The following CDH13 variants were observed in gnomAD, a reference collection of about 807,000 sequenced individuals.
CDH13 encodes the protein cadherin 13, also known as cadherin-13.
In CDH13, 24 loss-of-function variants were observed where a neutral mutation model predicts 63.8. That is an observed-to-expected ratio of 0.38 (90% CI 0.27 to 0.53). CDH13 has a LOEUF of 0.53. CDH13 is among the 20% of genes least tolerant of loss of function. The pLI is 0.85. For synonymous variants in CDH13, 503 were observed against 355.3 expected (o/e 1.42, Z -4.67); for missense variants, 1,049 against 903.1 (o/e 1.16, Z -2.07).
chr16:83,461,369 A>C (rs182365538), intron 6 of CDH13, among the ~76,000 whole-genome samples: 57 of 152,282 alleles, frequency 3.7e-4, no homozygotes, highest in African/African-American at 1.3e-3. Flanking sequence ...GCTCATCCAG[A>C]GCAGGTGAGG....
chr16:83,372,485 G>A (rs1213213793), intron 6 of CDH13, among the ~76,000 whole-genome samples: 3 of 152,188 alleles, frequency 2.0e-5, no homozygotes, highest in Non-Finnish European at 4.4e-5. Flanking sequence ...CGGGTGCGGT[G>A]GCTCATGCCT....
intron 2 of CDH13, among the ~76,000 whole-genome samples, chr16:83,000,258 T>C (rs1912746733): frequency 7.9e-6 from 1 of 127,344 alleles, no homozygotes; most frequent in African/African-American, 3.2e-5. Context: ...TTTTTTTTTT[T>C]TTTTTTGAGA....
intron 6 of CDH13, among the ~76,000 whole-genome samples, chr16:83,442,542 T>A (rs556895318): frequency 1.4e-4 from 14 of 101,902 alleles, no homozygotes; most frequent in Non-Finnish European, 2.1e-4. Context: ...TGGAAAACTT[T>A]CACATTGCAA....
At chr16:82,877,960 C>T (rs200485976) in intron 2 of CDH13, among the ~76,000 whole-genome samples, 6 of 91,132 alleles carry the variant, frequency 6.6e-5, no homozygotes, top group African/African-American at 1.9e-4. Context: ...CACACACACA[C>T]ATATACACAC....
In CDH13 at chr16:82,796,488, G is replaced by C. The variant is rs533926314; in HGVS notation, c.46-61874G>C. ...GTGATTTCAACAGTGAAGGAGGACA[G>C]GGTGGACCCCACCATCGTGGAATTT... On this transcript the variant is annotated intron_variant, in intron 1 of 13. Transcript: ENST00000567109. 4.6e-4 allele frequency among the ~76,000 whole-genome samples: 70 copies of C among 152,288 alleles called. 2 individuals carry two copies. The South Asian group carries it at 0.014, about 30-fold the overall frequency.
chr16:83,494,794 G>C (rs901284972), intron 7 of CDH13, among the ~76,000 whole-genome samples: 1 of 152,150 alleles, frequency 6.6e-6, no homozygotes, highest in African/African-American at 2.4e-5. Context: ...TTTCACTTTT[G>C]TTTTAAGAGG....
Position 83,023,278 on chromosome 16 carries a change from C to T in CDH13, c.158-8732C>T, listed in dbSNP as rs139933222. ...TGCCTTTTGTCTAATTTGCAATTTC[C>T]CCCAGGTGGGGTGTTTTCACTACCC... On this transcript the variant is annotated intron_variant, in intron 2 of 13. Transcript: ENST00000567109. 8.5e-3 allele frequency among the ~76,000 whole-genome samples: 1,287 copies of T among 151,664 alleles called. 17 individuals carry two copies. Among genetic ancestry groups the T allele is most frequent in the African/African-American group, 0.023 (962 of 41,294 alleles).
At chr16:82,911,177 C>T (rs763447221) in intron 2 of CDH13, among the ~76,000 whole-genome samples, 3 of 152,184 alleles carry the variant, frequency 2.0e-5, no homozygotes, top group East Asian at 1.9e-4. Flanking sequence ...TTTCCCCGAG[C>T]GCTGAAATTC....
At chr16:82,755,994 G>T (rs113761060) in intron 1 of CDH13, among the ~76,000 whole-genome samples, 1 of 152,170 alleles carries the variant, frequency 6.6e-6, no homozygotes, top group South Asian at 2.1e-4. Flanking sequence ...GTTGCAGAGC[G>T]TTCTAGGAGG....
At chr16:82,712,687 C>G (rs893244815) in intron 1 of CDH13, among the ~76,000 whole-genome samples, 1 of 152,168 alleles carries the variant, frequency 6.6e-6, no homozygotes, top group Admixed American at 6.5e-5. Flanking sequence ...CGTCAGGCCC[C>G]CTGAAGCCGC....
chr16:83,452,595 T>C (rs1440294425), intron 6 of CDH13, among the ~76,000 whole-genome samples: 1 of 152,206 alleles, frequency 6.6e-6, no homozygotes, highest in Non-Finnish European at 1.5e-5. Context: ...TGCCCAGCAA[T>C]TCTTGTAAGT....
chr16:83,023,792 T>C (rs775265337), intron 2 of CDH13, among the ~76,000 whole-genome samples: 6 of 152,208 alleles, frequency 3.9e-5, no homozygotes, highest in Non-Finnish European at 8.8e-5. Flanking sequence ...TGTCATCACA[T>C]GCACCCTTTA....
At chr16:82,681,255 C>G (rs188931967) in intron 1 of CDH13, among the ~76,000 whole-genome samples, 1 of 152,292 alleles carries the variant, frequency 6.6e-6, no homozygotes, top group East Asian at 1.9e-4. Context: ...GGCAACGACC[C>G]CATACCGTGT....
At chr16:83,056,369 G>T (rs912520135) in intron 3 of CDH13, among the ~76,000 whole-genome samples, 5 of 151,156 alleles carry the variant, frequency 3.3e-5, no homozygotes, top group African/African-American at 1.2e-4. Context: ...ATAACACTTT[G>T]TAATAGCTAA....
intron 10 of CDH13, among the ~76,000 whole-genome samples, chr16:83,744,794 G>C (rs1011610248): frequency 6.6e-6 from 1 of 152,236 alleles, no homozygotes; most frequent in Non-Finnish European, 1.5e-5. Flanking sequence ...CCGAGTCACA[G>C]AGGAGGAAGT....
chr16:83,251,367 G>A (rs564489964), intron 5 of CDH13, among the ~76,000 whole-genome samples: 16 of 152,304 alleles, frequency 1.1e-4, no homozygotes, highest in African/African-American at 3.4e-4. Context: ...CAAGAAAATT[G>A]TGAGTTCTAG....
chr16:83,457,156 C>G (rs1052413554), intron 6 of CDH13, among the ~76,000 whole-genome samples: 1 of 152,190 alleles, frequency 6.6e-6, no homozygotes, highest in Non-Finnish European at 1.5e-5. Flanking sequence ...CTGGTATGAC[C>G]TTGGCGAGCT....
At chr16:83,219,031 G>A (rs7204732) in intron 5 of CDH13, among the ~76,000 whole-genome samples, 140,139 of 152,164 alleles carry the variant, frequency 0.92, 64,717 homozygotes, top group Non-Finnish European at 0.96. Flanking sequence ...TCTGTCCTTT[G>A]TAAATTACCC....
chr16:83,325,029 G>C (rs4782531), intron 5 of CDH13, among the ~76,000 whole-genome samples: 151,616 of 152,276 alleles, frequency 1, 75,482 homozygotes, highest in Non-Finnish European at 1. Context: ...TGCTAAGGCT[G>C]TCTCCCTCCT....
Sources: allele counts gnomAD v4.1 joint callset (sites outside exome capture counted in the v4.1 genomes callset), GRCh38; gene constraint gnomAD v4.1.1; transcripts MANE v1.5; gene names NCBI Gene and HGNC (gene_info 2026-07-23, HGNC 2026-07-21).